The following CDK14 variants were observed in gnomAD, a reference collection of about 807,000 sequenced individuals.
CDK14 encodes cyclin-dependent kinase 14.
In CDK14, 34 loss-of-function variants were observed where a neutral mutation model predicts 60.7. That is an observed-to-expected ratio of 0.56 (90% confidence interval 0.43 to 0.75). The LOEUF (loss-of-function observed/expected upper bound fraction) is 0.75. CDK14 is among the 30% of genes least tolerant of loss of function. The pLI, the probability that CDK14 is intolerant of heterozygous loss-of-function variation, is 0.00. For missense variants in CDK14, 482 were observed against 564.1 expected (o/e 0.85, Z 1.47); for synonymous variants, 197 against 203.7 (o/e 0.97, Z 0.28).
intron 4 of CDK14, among the ~76,000 whole-genome samples, chr7:90,752,488 C>G (rs1191473085): frequency 6.6e-6 from 1 of 151,828 alleles, no homozygotes; most frequent in Non-Finnish European, 1.5e-5. Flanking sequence ...CAAATCATAC[C>G]AAAATCCTTG....
chr7:90,895,369 CCCTCCCCTCT>C (rs1792276508), intron 6 of CDK14, among the ~76,000 whole-genome samples: 1 of 3,784 alleles, frequency 2.6e-4, no homozygotes, highest in Admixed American at 4.4e-3. Context: ...ACCTCTCCTC[CCCTCCCCTCT>C]CCTCTCCTCT....
chr7:90,653,953 T>C (rs1437953807), intron 2 of CDK14, among the ~76,000 whole-genome samples: 2 of 152,222 alleles, frequency 1.3e-5, no homozygotes, highest in African/African-American at 4.8e-5. Flanking sequence ...TTGCTGAGAA[T>C]GATGGTTTCA....
chr7:91,108,287 G>A (rs911022853), intron 12 of CDK14, among the ~76,000 whole-genome samples: 3 of 152,162 alleles, frequency 2.0e-5, no homozygotes, highest in African/African-American at 4.8e-5. Flanking sequence ...AGCCTGGGCA[G>A]CAGAGTGAGA....
intron 10 of CDK14, among the ~76,000 whole-genome samples, chr7:91,013,166 G>T (rs537603494): frequency 3.9e-5 from 6 of 152,336 alleles, no homozygotes; most frequent in African/African-American, 1.4e-4. Context: ...ATAGTAAACT[G>T]AACCCCAAAT....
At position 90,636,171 on chromosome 7, in the gene CDK14, G is replaced by A. The variant is rs983042912; in HGVS notation, c.123+31922G>A. On this transcript the variant is annotated intron_variant, in intron 2 of 14. Transcript: ENST00000380050. ...CCCTGGCCAGAACTTCCAACACTAT[G>A]TTGAATAGGAGTGGTGAGAGAGGGC... Among the ~76,000 whole-genome samples, 9 of 151,738 alleles carry A rather than the reference G, an allele frequency of 5.9e-5. No individual in the cohort carries two copies. The East Asian group carries it at 1.8e-3, about 30-fold the overall frequency.
At chr7:90,710,622 G>A (rs1234431233) in intron 2 of CDK14, 2 of 868,608 alleles carry the variant, frequency 2.3e-6, no homozygotes, top group African/African-American at 1.8e-5. Context: ...ATGTACAGAA[G>A]TGATAATTCT....
At chr7:90,977,939 T>G (rs1010209598) in intron 9 of CDK14, among the ~76,000 whole-genome samples, 1 of 152,108 alleles carries the variant, frequency 6.6e-6, no homozygotes, top group Non-Finnish European at 1.5e-5. Flanking sequence ...CAAACACAAT[T>G]TAACATTTTT....
intron 2 of CDK14, among the ~76,000 whole-genome samples, chr7:90,629,992 T>C (rs1463755520): frequency 6.6e-6 from 1 of 152,046 alleles, no homozygotes; most frequent in Non-Finnish European, 1.5e-5. Context: ...GCGGCCAAGA[T>C]AGTGCTACTG....
At chr7:90,807,394 C>A (rs1254729235) in intron 5 of CDK14, among the ~76,000 whole-genome samples, 2 of 152,214 alleles carry the variant, frequency 1.3e-5, no homozygotes, top group African/African-American at 4.8e-5. Context: ...AACAGACCTG[C>A]AGCTGAGGGT....
intron 3 of CDK14, among the ~76,000 whole-genome samples, chr7:90,739,116 GT>G (rs1803247348): frequency 1.3e-5 from 2 of 152,140 alleles, no homozygotes. Context: ...ACTAGGAAAA[GT>G]TTTAGAGAGA....
chr7:90,888,931 G>C (rs1195542132), intron 6 of CDK14, among the ~76,000 whole-genome samples: 1 of 152,194 alleles, frequency 6.6e-6, no homozygotes, highest in African/African-American at 2.4e-5. Flanking sequence ...TTGCCAGAGG[G>C]CATATAAATC....
At chr7:90,825,028 A>G (rs1789675690) in intron 5 of CDK14, among the ~76,000 whole-genome samples, 1 of 152,182 alleles carries the variant, frequency 6.6e-6, no homozygotes, top group Non-Finnish European at 1.5e-5. Flanking sequence ...ATGAAAGGTT[A>G]CCTTTGGTTG....
At chr7:90,666,839 A>G (rs1195944281) in intron 2 of CDK14, among the ~76,000 whole-genome samples, 1 of 152,184 alleles carries the variant, frequency 6.6e-6, no homozygotes, top group African/African-American at 2.4e-5. Flanking sequence ...TGATTGCCAC[A>G]TAGTCCAAAC....
At chr7:90,950,608 G>A (rs1794227234) in intron 8 of CDK14, among the ~76,000 whole-genome samples, 2 of 152,184 alleles carry the variant, frequency 1.3e-5, no homozygotes, top group Non-Finnish European at 2.9e-5. Flanking sequence ...TGGATGGATG[G>A]TGATGTGTAG....
intron 2 of CDK14, among the ~76,000 whole-genome samples, chr7:90,634,651 A>G (rs1011087929): frequency 3.9e-5 from 6 of 152,008 alleles, no homozygotes; most frequent in African/African-American, 1.5e-4. Context: ...TATACCCAGT[A>G]ATGGGATGGC....
chr7:90,912,612 ATTTG>A (rs898475347), intron 7 of CDK14, among the ~76,000 whole-genome samples: 1 of 151,980 alleles, frequency 6.6e-6, no homozygotes, highest in Non-Finnish European at 1.5e-5. Context: ...TTGTTTATTC[ATTTG>A]TTTGTTTTTG....
In CDK14 at chr7:90,596,489, G is replaced by A; in HGVS notation, c.-139G>A. On this transcript the variant is annotated 5_prime_UTR_variant, in exon 1 of 15. Coordinates refer to ENST00000380050, the MANE Select transcript of CDK14 (RefSeq NM_001287135.2). ...CGCCTGCCTGCTGCTCGCCTCCCTAGACCTGCGCGTCGCTTCCCGGCCCGC... is the reference window on the plus strand; with the variant it reads ...CGCCTGCCTGCTGCTCGCCTCCCTAAACCTGCGCGTCGCTTCCCGGCCCGC... 2 of 667,360 alleles carry A rather than the reference G, an allele frequency of 3.0e-6. No homozygotes were observed. The highest frequency in any genetic ancestry group is 3.9e-4 in the Middle Eastern group (1 of 2,572). 41.3% of individuals were successfully genotyped at this position (667,360 alleles called of 1,614,324 possible). A position where few individuals can be genotyped will look rare whatever the true frequency, so the allele number is the denominator to read the frequency against.
chr7:91,179,578 G>A (rs7792357), intron 14 of CDK14, among the ~76,000 whole-genome samples: 16,963 of 151,754 alleles, frequency 0.11, 1,167 homozygotes, highest in Admixed American at 0.23. Context: ...CGAGGTGGGC[G>A]GATCACGAGG....
chr7:90,744,427 G>T (rs1167739994), intron 3 of CDK14, among the ~76,000 whole-genome samples: 1 of 152,186 alleles, frequency 6.6e-6, no homozygotes, highest in Non-Finnish European at 1.5e-5. Flanking sequence ...TACAGACACG[G>T]CAACCATCTG....
Sources: allele counts gnomAD v4.1 joint callset (sites outside exome capture counted in the v4.1 genomes callset), GRCh38; gene constraint gnomAD v4.1.1; transcripts MANE v1.5; gene names NCBI Gene and HGNC (gene_info 2026-07-23, HGNC 2026-07-21).